TSGA10IP: variants seen among roughly 807,000 people sequenced by gnomAD.
TSGA10IP encodes the protein testis-specific protein 10-interacting protein.
Under a neutral mutation model 63.2 loss-of-function variants are expected in TSGA10IP, and 64 were observed. That is an observed-to-expected ratio of 1.01 (90% CI 0.83 to 1.25). The LOEUF is 1.25. Among genes scored for constraint, TSGA10IP ranks in the 50% most tolerant of loss-of-function variants. TSGA10IP has a pLI of 0.00. For synonymous variants in TSGA10IP, 316 were observed against 298.3 expected (o/e 1.06, Z -0.61); for missense variants, 681 against 710.1 (o/e 0.96, Z 0.47).
chr11:65,953,696 C>A, exon 5 of TSGA10IP: 1 of 1,577,592 alleles, frequency 6.3e-7, no homozygotes, highest in Non-Finnish European at 8.6e-7. Context: ...CCAGAGGGAG[C>A]CGGGGCCCTG....
At chr11:65,952,622 G>C (rs1854960456) in intron 4 of TSGA10IP, among the ~76,000 whole-genome samples, 1 of 148,128 alleles carries the variant, frequency 6.8e-6, no homozygotes. Context: ...CTAATTTTTT[G>C]TATGTTCAGT....
intron 5 of TSGA10IP, among the ~76,000 whole-genome samples, chr11:65,956,820 C>T (rs470192): frequency 0.43 from 64,853 of 151,968 alleles, 14,273 homozygotes; most frequent in Admixed American, 0.57. Flanking sequence ...TGAGCCACCG[C>T]GCCCAGCCAA....
At chr11:65,954,081 C>T (rs1342157227) in intron 5 of TSGA10IP, among the ~76,000 whole-genome samples, 1 of 152,062 alleles carries the variant, frequency 6.6e-6, no homozygotes, top group Non-Finnish European at 1.5e-5. Context: ...GGTGAACAGC[C>T]GTGTGACCCC....
rs760600117 is a variant in TSGA10IP at position 65,947,366 on chromosome 11, G to C, written c.541G>C (p.Val181Leu). 9 of 1,612,058 alleles carry C rather than the reference G, an allele frequency of 5.6e-6. No individual in the cohort carries two copies. The African/African-American group carries it at 8.0e-5, about 14-fold the overall frequency. The change falls in exon 3 of 8, where the codon GTC becomes CTC. Residue 181 changes from valine (V) to leucine (L), a missense_variant. Physicochemically the swap from Val to Leu is conservative, Grantham distance 32 (BLOSUM62 1). Transcript: ENST00000532620. Reference sequence around the variant, plus strand: ...ACAGCAGCTGGGAGCCTGGGGCGGTGTCTCCATCCCTACTGGCAAAGGGGA... The same window carrying C: ...ACAGCAGCTGGGAGCCTGGGGCGGTCTCTCCATCCCTACTGGCAAAGGGGA...
intron 4 of TSGA10IP, among the ~76,000 whole-genome samples, chr11:65,953,293 A>T (rs1441419711): frequency 6.6e-6 from 1 of 151,962 alleles, no homozygotes; most frequent in Non-Finnish European, 1.5e-5. Context: ...CACCTCCCAA[A>T]GTGCTGGGAT....
At chr11:65,954,875 G>T (rs932630451) in intron 5 of TSGA10IP, among the ~76,000 whole-genome samples, 1 of 151,506 alleles carries the variant, frequency 6.6e-6, no homozygotes, top group Non-Finnish European at 1.5e-5. Context: ...ACGGCAGCTT[G>T]TGCCTTAAGA....
chr11:65,953,764 T>C (rs1452425491), intron 5 of TSGA10IP, 27 bp downstream of exon 5: 2 of 1,487,048 alleles, frequency 1.3e-6, no homozygotes, highest in African/African-American at 2.9e-5. Context: ...TCGGGAGGCC[T>C]GGTTGGGAGA....
chr11:65,959,012 C>T (rs1855072328), intron 6 of TSGA10IP, 30 bp downstream of exon 6: 2 of 1,605,924 alleles, frequency 1.2e-6, no homozygotes, highest in African/African-American at 2.7e-5. Flanking sequence ...AAGCACATAG[C>T]TGCCCCCTGT....
chr11:65,955,627 GAGTT>G (rs1855011287), intron 5 of TSGA10IP, among the ~76,000 whole-genome samples: 2 of 149,676 alleles, frequency 1.3e-5, no homozygotes, highest in African/African-American at 5.0e-5. Context: ...AAAAAAAAAA[GAGTT>G]AGGTGCTGAT....
chr11:65,950,926 G>T (rs889218091), intron 4 of TSGA10IP, among the ~76,000 whole-genome samples: 5 of 152,140 alleles, frequency 3.3e-5, no homozygotes, highest in African/African-American at 1.2e-4. Flanking sequence ...ACTTTTTTAA[G>T]ATTTGGCACA....
intron 5 of TSGA10IP, among the ~76,000 whole-genome samples, chr11:65,954,169 T>C (rs1854988477): frequency 7.2e-6 from 1 of 139,242 alleles, no homozygotes; most frequent in East Asian, 2.0e-4. Context: ...ACCATTTTCC[T>C]TTTTTTTTTT....
chr11:65,958,681 C>G (rs182300423), intron 5 of TSGA10IP, among the ~76,000 whole-genome samples: 1 of 152,346 alleles, frequency 6.6e-6, no homozygotes, highest in East Asian at 1.9e-4. Flanking sequence ...TCAACCCTCC[C>G]GATCCATCCG....
intron 4 of TSGA10IP, among the ~76,000 whole-genome samples, chr11:65,951,255 T>C (rs1854936824): frequency 6.6e-6 from 1 of 152,118 alleles, no homozygotes; most frequent in African/African-American, 2.4e-5. Context: ...GTTCTACTTG[T>C]AATTTTTTGG....
chr11:65,947,952 T>C lies in TSGA10IP; in HGVS notation c.1004-49T>C, dbSNP rs78915152. On this transcript the variant is annotated intron_variant, in intron 3 of 7. Coordinates refer to ENST00000532620, the Ensembl canonical transcript of TSGA10IP. Reference sequence around the variant, plus strand: ...CTGGGTGCTGGGGGGCGTTGCCTGGTGGGCTGAGAGGGAGAGGGCAGCCCC... The same window carrying C: ...CTGGGTGCTGGGGGGCGTTGCCTGGCGGGCTGAGAGGGAGAGGGCAGCCCC... 6,393 of 1,532,882 alleles carry C rather than the reference T, an allele frequency of 4.2e-3. 230 individuals are homozygous for C. The African/African-American group carries it at 0.078, about 19-fold the overall frequency. The allele number at this position is 1,532,882 out of a possible 1,614,324, so 95.0% of individuals were successfully genotyped here.
chr11:65,945,759 C>G lies in TSGA10IP; in HGVS notation c.84C>G (p.Leu28=), dbSNP rs376193802. The change falls in exon 1 of 8, where the codon CTC becomes CTG. Residue 28 remains leucine (L), a synonymous_variant. Transcript: ENST00000532620. The stretch of plus-strand genomic sequence containing the variant: ...TGCGACCAGGGCAGGACGTGCGGCT[C>G]CAGGCTCCAGGAACCAGAACGGGGC... 1.9e-5 allele frequency: 30 copies of G among 1,613,618 alleles called. No individual in the cohort carries two copies. The African/African-American group carries it at 3.6e-4, about 19-fold the overall frequency.
At chr11:65,952,608 C>G (rs184588667) in intron 4 of TSGA10IP, among the ~76,000 whole-genome samples, 17 of 152,106 alleles carry the variant, frequency 1.1e-4, no homozygotes, top group African/African-American at 3.9e-4. Flanking sequence ...TCCACCATGC[C>G]TGGCTAATTT....
chr11:65,952,230 T>C (rs1854955423), intron 4 of TSGA10IP, among the ~76,000 whole-genome samples: 3 of 152,190 alleles, frequency 2.0e-5, no homozygotes, highest in Non-Finnish European at 4.4e-5. Context: ...TTAACCCCTT[T>C]TCAGATGTAT....
intron 4 of TSGA10IP, among the ~76,000 whole-genome samples, chr11:65,951,537 T>TTATTATTATTATTA (rs1854942883): frequency 2.0e-5 from 3 of 146,856 alleles, no homozygotes; most frequent in African/African-American, 7.4e-5. Context: ...ATTATTATTA[T>TTATTATTATTATTA]TATTATTATT....
In TSGA10IP at chr11:65,953,591, G is replaced by T. The variant is rs755434343; in HGVS notation, c.1176G>T (p.Arg392=). 1.9e-6 allele frequency: 3 copies of T among 1,589,682 alleles called. No individual in the cohort carries two copies. In the Admixed American group the frequency reaches 5.2e-5, roughly 28 times the overall value. ...GGAGCCTGCTGCAGGCCTGGGAGCG[G>T]CAGCGGCAGGAGGAGCGGCAGCAGG... Residue 392 remains arginine, a synonymous_variant, in exon 5 of 8, where the codon CGG becomes CGT. Coordinates refer to ENST00000532620, the Ensembl canonical transcript of TSGA10IP.
Sources: gnomAD v4.1 joint callset for allele counts (sites outside exome capture counted in the v4.1 genomes callset) on GRCh38, gnomAD v4.1.1 for gene constraint, MANE v1.5 for transcripts, NCBI Gene and HGNC (gene_info 2026-07-23, HGNC 2026-07-21) for gene names.